The following EIF2S2 variants were observed in gnomAD, a reference collection of about 807,000 sequenced individuals.
The protein encoded by EIF2S2 is eukaryotic translation initiation factor 2 subunit 2.
Under a neutral mutation model 44.0 loss-of-function variants are expected in EIF2S2, and 4 were observed. That is an observed-to-expected ratio of 0.09 (90% confidence interval 0.04 to 0.21). The LOEUF (loss-of-function observed/expected upper bound fraction) is 0.21, where lower values mean the gene tolerates loss of function less well. Among genes scored for constraint, EIF2S2 ranks in the 10% least tolerant of loss-of-function variants. The pLI is 1.00. For missense variants in EIF2S2, 154 were observed against 392.0 expected (o/e 0.39, Z 5.13); for synonymous variants, 108 against 128.3 (o/e 0.84, Z 1.07).
At chr20:34,099,330 C>G (rs1442522607) in intron 3 of EIF2S2, among the ~76,000 whole-genome samples, 1 of 151,330 alleles carries the variant, frequency 6.6e-6, no homozygotes, top group African/African-American at 2.4e-5. Flanking sequence ...GCACTCCAGC[C>G]TGGGCAACAA....
At chr20:34,112,052 T>A in intron 1 of EIF2S2, 44 bp downstream of exon 1, 1 of 1,459,222 alleles carries the variant, frequency 6.9e-7, no homozygotes, top group Admixed American at 2.3e-5. Flanking sequence ...GGGTTAGGCT[T>A]CTCGCCTCAA....
At chr20:34,110,660 A>G (rs1019213698) in intron 1 of EIF2S2, among the ~76,000 whole-genome samples, 2 of 152,128 alleles carry the variant, frequency 1.3e-5, no homozygotes, top group Non-Finnish European at 2.9e-5. Flanking sequence ...TAGCCCTCCA[A>G]GTCACTACGT....
At chr20:34,111,378 AG>A (rs1213519163) in intron 1 of EIF2S2, among the ~76,000 whole-genome samples, 1 of 152,142 alleles carries the variant, frequency 6.6e-6, no homozygotes, top group African/African-American at 2.4e-5. Flanking sequence ...GATAAATCTG[AG>A]GGAAAGGGAT....
intron 8 of EIF2S2, 42 bp downstream of exon 8, chr20:34,090,475 G>A (rs1208057539): frequency 8.0e-7 from 1 of 1,257,308 alleles, no homozygotes. Flanking sequence ...AGCCTCATGA[G>A]AACATTTCAG....
chr20:34,100,489 C>T (rs2034283135), intron 3 of EIF2S2, among the ~76,000 whole-genome samples: 1 of 152,204 alleles, frequency 6.6e-6, no homozygotes, highest in Non-Finnish European at 1.5e-5. Context: ...GGATCCCTTA[C>T]TCATTAATTA....
At chr20:34,096,610 A>G (rs747771337) in intron 6 of EIF2S2, 47 bp downstream of exon 6, 5 of 1,532,598 alleles carry the variant, frequency 3.3e-6, no homozygotes, top group African/African-American at 1.4e-5. Flanking sequence ...TAAAACTGCA[A>G]TGAGAATCTG....
At chr20:34,093,578 G>A in intron 7 of EIF2S2, 97 bp downstream of exon 7, 1 of 1,090,784 alleles carries the variant, frequency 9.2e-7, no homozygotes, top group Non-Finnish European at 1.3e-6. Flanking sequence ...CTAATAATCA[G>A]GTGAACATTT....
In EIF2S2 at chr20:34,097,306, T is replaced by C. The variant is rs1601532895; in HGVS notation, c.534+110A>G. 4.4e-6 allele frequency: 4 copies of C among 910,510 alleles called. No individual in the cohort carries two copies. In the East Asian group the frequency reaches 7.7e-5, roughly 18 times the overall value. The allele number at this position is 910,510 out of a possible 1,614,324, so 56.4% of individuals were successfully genotyped here. On this transcript the variant is annotated intron_variant, in intron 5 of 8. Transcript: ENST00000374980. ...ACTGGCTGTGTGACCTCTCTGCATC[T>C]GTTCCACCATCAGTCATTACTTCAA...
intron 6 of EIF2S2, among the ~76,000 whole-genome samples, chr20:34,094,997 C>T (rs1372453869): frequency 5.3e-5 from 8 of 152,186 alleles, no homozygotes; most frequent in Non-Finnish European, 1.2e-4. Context: ...ATATCCATTC[C>T]TTTTAACTCA....
intron 1 of EIF2S2, among the ~76,000 whole-genome samples, chr20:34,111,197 G>T (rs770064234): frequency 1.1e-4 from 16 of 152,120 alleles, no homozygotes; most frequent in Non-Finnish European, 1.9e-4. Flanking sequence ...TACTTCCTGT[G>T]AGCACATTTA....
chr20:34,096,852 G>T, intron 5 of EIF2S2, 47 bp from the exon 6 acceptor site: 2 of 1,553,884 alleles, frequency 1.3e-6, no homozygotes, highest in Non-Finnish European at 1.7e-6. Flanking sequence ...TAACTGCAGG[G>T]GTATAAAGTT....
intron 1 of EIF2S2, among the ~76,000 whole-genome samples, chr20:34,108,495 G>A (rs987809544): frequency 6.6e-6 from 1 of 152,146 alleles, no homozygotes; most frequent in African/African-American, 2.4e-5. Flanking sequence ...GGCTTTTTAA[G>A]ACTTTCATGT....
In EIF2S2 at chr20:34,098,642, G is replaced by A. The variant is rs1428383094; in HGVS notation, c.298-9C>T. Reference sequence around the variant, plus strand: ...CTTTCAATCTTAAGATCCTAAGAAAGTGAGATGAGTCTGAACATTTGATAC... The same window carrying A: ...CTTTCAATCTTAAGATCCTAAGAAAATGAGATGAGTCTGAACATTTGATAC... On this transcript the variant is annotated splice_polypyrimidine_tract_variant and intron_variant, in intron 3 of 8. Transcript: ENST00000374980. The A allele has an allele frequency of 1.2e-6, 2 of 1,612,972 alleles. No individual in the cohort carries two copies. The highest frequency in any genetic ancestry group is 1.3e-5 in the African/African-American group (1 of 74,880).
chr20:34,105,377 T>G lies in EIF2S2; in HGVS notation c.184A>C (p.Arg62=). 6.2e-7 allele frequency: 1 copy of G among 1,612,124 alleles called. No homozygotes were observed. The highest frequency in any genetic ancestry group is 1.3e-5 in the African/African-American group (1 of 74,816). The change falls in exon 2 of 9, where the codon AGG becomes CGG. Residue 62 remains arginine (R), a synonymous_variant. Coordinates refer to ENST00000374980, the MANE Select transcript of EIF2S2 (RefSeq NM_003908.5). ...KDLEADEEDT[R]KKDASDDLDD... The stretch of plus-strand genomic sequence containing the variant: ...CACATCAACCACGCACCTTTTTTCC[T>G]AGTGTCCTCTTCATCAGCTTCCAAA...
intron 1 of EIF2S2, among the ~76,000 whole-genome samples, chr20:34,110,394 A>G (rs2034399161): frequency 6.6e-6 from 1 of 152,174 alleles, no homozygotes; most frequent in African/African-American, 2.4e-5. Flanking sequence ...ACCTGGCAGA[A>G]TGGAAGCCAA....
intron 3 of EIF2S2, among the ~76,000 whole-genome samples, chr20:34,099,779 TACTA>T (rs916059896): frequency 2.1e-4 from 32 of 152,250 alleles, no homozygotes; most frequent in African/African-American, 5.5e-4. Flanking sequence ...GGAAAGTACT[TACTA>T]CTGCCAATTT....
chr20:34,110,598 A>G (rs892935992), intron 1 of EIF2S2, among the ~76,000 whole-genome samples: 1 of 152,214 alleles, frequency 6.6e-6, no homozygotes, highest in Admixed American at 6.5e-5. Context: ...TTCATCCAGC[A>G]GTAATGCATT....
Position 34,105,485 on chromosome 20 carries a change from C to A in EIF2S2, c.76G>T (p.Asp26Tyr). 3 of 1,613,682 alleles carry A rather than the reference C, an allele frequency of 1.9e-6. No individual in the cohort carries two copies. The highest frequency in any genetic ancestry group is 2.5e-6 in the Non-Finnish European group (3 of 1,179,886). The change falls in exon 2 of 9, where the codon GAT becomes TAT. Residue 26 changes from aspartate (D) to tyrosine (Y), a missense_variant. Asp to Tyr is a radical substitution (Grantham distance 160). Coordinates refer to ENST00000374980, the MANE Select transcript of EIF2S2 (RefSeq NM_003908.5). ...KKKKKKPFML[D>Y]EEGDTQTEET... ...TCTGTTTGGGTATCCCCTTCCTCAT[C>A]TAACATAAAAGGCTTCTTCTTCTTC...
At chr20:34,103,707 GTTC>G (rs1433861123) in intron 2 of EIF2S2, 142 bp from the exon 3 acceptor site, 6 of 1,242,372 alleles carry the variant, frequency 4.8e-6, no homozygotes, top group Admixed American at 4.2e-5. Context: ...AAAACTTATG[GTTC>G]TTTTTTTTTT....
Sources: gnomAD v4.1 joint callset for allele counts (sites outside exome capture counted in the v4.1 genomes callset) on GRCh38, gnomAD v4.1.1 for gene constraint, MANE v1.5 for transcripts, NCBI Gene and HGNC (gene_info 2026-07-23, HGNC 2026-07-21) for gene names.